KCNH7: variants seen among roughly 807,000 people sequenced by gnomAD.
The protein encoded by KCNH7 is voltage-gated inwardly rectifying potassium channel KCNH7.
KCNH7 carries 49 observed loss-of-function variants against 120.8 expected under a neutral mutation model. The ratio of observed to expected loss-of-function variants is 0.41; its 90% CI spans 0.32 to 0.51. The LOEUF (loss-of-function observed/expected upper bound fraction) is 0.51, where lower values mean the gene tolerates loss of function less well. Among genes scored for constraint, KCNH7 ranks in the 20% least tolerant of loss-of-function variants. The pLI is 0.38. For missense variants in KCNH7, 1,097 were observed against 1,446.6 expected, an observed-to-expected ratio of 0.76 and a Z score of 3.92; for synonymous variants, 547 against 516.1, an observed-to-expected ratio of 1.06 and a Z score of -0.81.
At chr2:162,736,801 T>C (rs1249885438) in intron 2 of KCNH7, among the ~76,000 whole-genome samples, 1 of 152,164 alleles carries the variant, frequency 6.6e-6, no homozygotes, top group Non-Finnish European at 1.5e-5. Flanking sequence ...GAACCCACTG[T>C]AAGGCCACTT....
intron 2 of KCNH7, among the ~76,000 whole-genome samples, chr2:162,565,748 A>G (rs894302406): frequency 1.3e-5 from 2 of 152,072 alleles, no homozygotes; most frequent in Non-Finnish European, 2.9e-5. Flanking sequence ...CTTTATTTAT[A>G]AAGTTTCACC....
chr2:162,813,870 A>G (rs1684820813), intron 2 of KCNH7, among the ~76,000 whole-genome samples: 1 of 152,238 alleles, frequency 6.6e-6, no homozygotes, highest in South Asian at 2.1e-4. Context: ...ATGATACAAT[A>G]GTTCATAAAA....
At chr2:162,736,023 T>G (rs1311256644) in intron 2 of KCNH7, among the ~76,000 whole-genome samples, 1 of 152,182 alleles carries the variant, frequency 6.6e-6, no homozygotes, top group African/African-American at 2.4e-5. Flanking sequence ...TTAGGTAATG[T>G]CTGGTGGAAC....
At chr2:162,511,538 G>A (rs1691074390) in intron 5 of KCNH7, among the ~76,000 whole-genome samples, 1 of 151,020 alleles carries the variant, frequency 6.6e-6, no homozygotes, top group African/African-American at 2.4e-5. Context: ...CCCACTATTG[G>A]GGTCAACCTG....
intron 2 of KCNH7, among the ~76,000 whole-genome samples, chr2:162,599,336 C>T (rs1014676050): frequency 2.2e-4 from 34 of 152,042 alleles, no homozygotes; most frequent in African/African-American, 8.0e-4. Context: ...TTTCCCCCTA[C>T]AAGATGACAT....
At chr2:162,673,198 T>C (rs548040234) in intron 2 of KCNH7, among the ~76,000 whole-genome samples, 2 of 152,126 alleles carry the variant, frequency 1.3e-5, no homozygotes, top group South Asian at 4.1e-4. Flanking sequence ...ACAATTGTAC[T>C]GATGCCAAAA....
chr2:162,517,805 C>G lies in KCNH7; in HGVS notation c.817G>C (p.Ala273Pro). Residue 273 changes from alanine to proline, a missense_variant, in exon 4 of 16, where the codon GCA becomes CCA. By Grantham distance (27) the Ala-to-Pro change is conservative (BLOSUM62 -1). Transcript: ENST00000332142. ...CCTTCTATATCATGGACCGAAGATG[C>G]TCTCCGTATACTACATAAGCTTTCC... Reference protein sequence around the residue: ...SRESLCSIRRASSVHDIEGFG... With the variant: ...SRESLCSIRRPSSVHDIEGFG... 6.2e-7 allele frequency: 1 copy of G among 1,607,572 alleles called. No individual in the cohort carries two copies. Among genetic ancestry groups the G allele is most frequent in the Non-Finnish European group, 8.5e-7 (1 of 1,174,916 alleles).
intron 3 of KCNH7, among the ~76,000 whole-genome samples, chr2:162,534,872 A>G (rs951678805): frequency 6.6e-6 from 1 of 151,890 alleles, no homozygotes; most frequent in East Asian, 1.9e-4. Flanking sequence ...ATGCGTTAAG[A>G]GAACCCAACA....
intron 12 of KCNH7, among the ~76,000 whole-genome samples, chr2:162,390,253 T>C (rs145141513): frequency 0.011 from 1,635 of 149,364 alleles, 6 homozygotes; most frequent in Non-Finnish European, 0.017. Context: ...TATATATATA[T>C]ACACACACAC....
At chr2:162,578,712 G>A (rs752848056) in intron 2 of KCNH7, among the ~76,000 whole-genome samples, 17 of 152,044 alleles carry the variant, frequency 1.1e-4, no homozygotes, top group Non-Finnish European at 2.5e-4. Context: ...AGGAACTGAA[G>A]TTTTGGGTAT....
rs545923656 is a variant in KCNH7, at chr2:162,688,427, C to T, written c.307+148110G>A. Among the ~76,000 whole-genome samples, 121 of 152,080 alleles carry T rather than the reference C, an allele frequency of 8.0e-4. 1 individual carries two copies. Among genetic ancestry groups the T allele is most frequent in the Middle Eastern group, 3.4e-3 (1 of 294 alleles). On this transcript the variant is annotated intron_variant, in intron 2 of 15. Coordinates refer to ENST00000332142, the MANE Select transcript of KCNH7 (RefSeq NM_033272.4). The stretch of plus-strand genomic sequence containing the variant: ...TTCTCTTGTGTCACTCCCAGTTGGG[C>T]GCTAAAGACTGCATACAGAGATTCC...
intron 2 of KCNH7, among the ~76,000 whole-genome samples, chr2:162,743,561 G>A (rs749799079): frequency 2.6e-5 from 4 of 152,150 alleles, no homozygotes; most frequent in South Asian, 4.2e-4. Flanking sequence ...GTAGGGTCAC[G>A]GAACATAGAA....
At chr2:162,590,494 C>T (rs1355162385) in intron 2 of KCNH7, among the ~76,000 whole-genome samples, 1 of 152,058 alleles carries the variant, frequency 6.6e-6, no homozygotes, top group African/African-American at 2.4e-5. Context: ...TTGACCTGGA[C>T]TGGAAGGTGA....
chr2:162,444,907 A>G (rs1191662189), intron 7 of KCNH7, among the ~76,000 whole-genome samples: 1 of 152,000 alleles, frequency 6.6e-6, no homozygotes, highest in African/African-American at 2.4e-5. Context: ...CTATCTCATT[A>G]GAGTCTCAAA....
intron 9 of KCNH7, among the ~76,000 whole-genome samples, chr2:162,421,525 A>G (rs1687708985): frequency 6.6e-6 from 1 of 152,170 alleles, no homozygotes; most frequent in Non-Finnish European, 1.5e-5. Context: ...CAGAACTAAC[A>G]CTGGAAATCA....
At chr2:162,643,804 C>CA (rs781089376) in intron 2 of KCNH7, among the ~76,000 whole-genome samples, 3,197 of 90,154 alleles carry the variant, frequency 0.035, 78 homozygotes, top group Non-Finnish European at 0.044. Flanking sequence ...GACTCTATCT[C>CA]AAAAAAAAAA....
intron 14 of KCNH7, among the ~76,000 whole-genome samples, chr2:162,376,906 C>G (rs764159523): frequency 6.6e-6 from 1 of 152,012 alleles, no homozygotes; most frequent in African/African-American, 2.4e-5. Context: ...AACCTTTAAC[C>G]CTATCTATAG....
chr2:162,609,051 G>A (rs1408325306), intron 2 of KCNH7, among the ~76,000 whole-genome samples: 2 of 152,002 alleles, frequency 1.3e-5, no homozygotes, highest in Non-Finnish European at 2.9e-5. Context: ...GACACCGCCA[G>A]CCCCCCAACA....
chr2:162,739,768 G>T (rs1243357094), intron 2 of KCNH7, among the ~76,000 whole-genome samples: 2 of 152,098 alleles, frequency 1.3e-5, no homozygotes. Context: ...CCTCCTATCT[G>T]ATTCTACTAT....
Sources: allele counts gnomAD v4.1 joint callset (sites outside exome capture counted in the v4.1 genomes callset), GRCh38; gene constraint gnomAD v4.1.1; transcripts MANE v1.5; gene names NCBI Gene and HGNC (gene_info 2026-07-23, HGNC 2026-07-21).